RALY: variants seen among roughly 807,000 people sequenced by gnomAD.
RALY encodes RALY heterogeneous nuclear ribonucleoprotein, also known as RNA-binding protein Raly.
RALY carries 15 observed loss-of-function variants against 30.7 expected under a neutral mutation model. The ratio of observed to expected loss-of-function variants is 0.49; its 90% CI spans 0.33 to 0.75. The LOEUF is 0.75. Among genes scored for constraint, RALY ranks in the 30% least tolerant of loss-of-function variants. The probability of loss-of-function intolerance (pLI) is 0.02; values close to 1 mark genes in which losing one functional copy is unlikely to be tolerated. For synonymous variants in RALY, 177 were observed against 170.8 expected (o/e 1.04, Z -0.28); for missense variants, 339 against 414.3 (o/e 0.82, Z 1.58).
chr20:33,998,425 T>A (rs186203178), intron 1 of RALY, among the ~76,000 whole-genome samples: 1 of 152,196 alleles, frequency 6.6e-6, no homozygotes, highest in African/African-American at 2.4e-5. Flanking sequence ...AGTTCAGAAA[T>A]GGTGATAATA....
chr20:34,000,212 C>T (rs1350875518), intron 1 of RALY, among the ~76,000 whole-genome samples: 1 of 152,144 alleles, frequency 6.6e-6, no homozygotes. Flanking sequence ...GGAATAGAGA[C>T]AGAGTGCAGT....
rs1400526111 is a variant in RALY at position 34,084,541 on chromosome 20, T to C, written c.*4636T>C. On this transcript the variant is annotated 3_prime_UTR_variant, in exon 10 of 10. Transcript: ENST00000246194. ...TAAAGGTGGCATCTCTATCCTATCCTCGCCTTTATCTAAACTCTGTGACCG... is the reference window on the plus strand; with the variant it reads ...TAAAGGTGGCATCTCTATCCTATCCCCGCCTTTATCTAAACTCTGTGACCG... 6.6e-6 allele frequency: 1 copy of C among 152,282 alleles called. No homozygotes were observed. The highest frequency in any genetic ancestry group is 1.5e-5 in the Non-Finnish European group (1 of 68,062). 9.4% of individuals were successfully genotyped at this position (152,282 alleles called of 1,614,324 possible).
intron 1 of RALY, 139 bp from the exon 2 acceptor site, chr20:34,031,383 C>T (rs941970252): frequency 1.3e-5 from 2 of 151,948 alleles, no homozygotes; most frequent in African/African-American, 4.8e-5. Context: ...CTTTATGGCA[C>T]TTAGCACTAC....
intron 1 of RALY, among the ~76,000 whole-genome samples, chr20:34,017,020 G>T (rs1340685333): frequency 5.3e-5 from 8 of 152,262 alleles, no homozygotes; most frequent in Non-Finnish European, 1.2e-4. Flanking sequence ...CAGTTCTGCT[G>T]GTGTAGCCCA....
At chr20:34,044,277 A>G (rs1458421245) in intron 2 of RALY, among the ~76,000 whole-genome samples, 2 of 151,800 alleles carry the variant, frequency 1.3e-5, no homozygotes, top group African/African-American at 2.4e-5. Context: ...TAGGTGATAT[A>G]TATTTGTCTA....
chr20:34,027,379 A>G (rs1225843414), intron 1 of RALY, among the ~76,000 whole-genome samples: 2 of 152,200 alleles, frequency 1.3e-5, no homozygotes, highest in African/African-American at 2.4e-5. Context: ...GGGTATCATA[A>G]GGATTAACAG....
chr20:34,048,300 C>T (rs919337307), intron 2 of RALY, among the ~76,000 whole-genome samples: 2 of 152,148 alleles, frequency 1.3e-5, no homozygotes, highest in Non-Finnish European at 2.9e-5. Flanking sequence ...TCGTGTGTCT[C>T]TCGTGCTCCT....
At chr20:34,027,891 C>T (rs1026387370) in intron 1 of RALY, among the ~76,000 whole-genome samples, 4 of 152,170 alleles carry the variant, frequency 2.6e-5, no homozygotes, top group African/African-American at 7.2e-5. Context: ...CTTGTGTTGG[C>T]AGTATAGGAA....
chr20:34,054,222 C>G (rs2123186571), intron 2 of RALY, among the ~76,000 whole-genome samples: 1 of 152,318 alleles, frequency 6.6e-6, no homozygotes, highest in African/African-American at 2.4e-5. Flanking sequence ...ATTCTTTCAC[C>G]TGTTCACTAG....
intron 1 of RALY, among the ~76,000 whole-genome samples, chr20:34,024,360 G>T (rs2031940790): frequency 6.6e-6 from 1 of 152,234 alleles, no homozygotes; most frequent in African/African-American, 2.4e-5. Flanking sequence ...AATTACTCGT[G>T]CCTCCCTTGA....
At chr20:34,076,089 C>A in intron 6 of RALY, 49 bp downstream of exon 6, 1 of 1,565,516 alleles carries the variant, frequency 6.4e-7, no homozygotes. Context: ...TTATCATTAG[C>A]AAAATAATAG....
At chr20:34,072,933 T>A (rs972043747) in intron 3 of RALY, among the ~76,000 whole-genome samples, 2 of 18,572 alleles carry the variant, frequency 1.1e-4, no homozygotes, top group African/African-American at 2.0e-4. Flanking sequence ...AGATGTAGTG[T>A]GTGTGTGTGT....
chr20:33,997,293 T>A (rs534523835), intron 1 of RALY, among the ~76,000 whole-genome samples: 1 of 152,224 alleles, frequency 6.6e-6, no homozygotes, highest in South Asian at 2.1e-4. Flanking sequence ...TTTTGTATTT[T>A]TAGTACAGAT....
At chr20:34,003,748 T>G (rs970533574) in intron 1 of RALY, among the ~76,000 whole-genome samples, 26 of 148,118 alleles carry the variant, frequency 1.8e-4, no homozygotes, top group Admixed American at 8.1e-4. Flanking sequence ...CACGCCATTC[T>G]CCTGCCTCAG....
intron 2 of RALY, among the ~76,000 whole-genome samples, chr20:34,070,424 C>T (rs1307257387): frequency 1.3e-5 from 2 of 152,084 alleles, no homozygotes; most frequent in Non-Finnish European, 2.9e-5. Flanking sequence ...TTTGTACAGC[C>T]CTTTGGGGTA....
At position 34,077,149 on chromosome 20, in the gene RALY, G is replaced by T. The variant is rs547642453; in HGVS notation, c.780G>T (p.Glu260Asp). 6 of 1,613,240 alleles carry T rather than the reference G, an allele frequency of 3.7e-6. No homozygotes were observed. In the East Asian group the frequency reaches 1.1e-4, roughly 30 times the overall value. The change falls in exon 8 of 10, where the codon GAG (glutamate) becomes GAT (aspartate). Residue 260 changes from glutamate (E) to aspartate (D), a missense_variant. Physicochemically the swap from Glu to Asp is conservative, Grantham distance 45 (BLOSUM62 2). Around this residue, in one of 2 missense-constraint regions of RALY, gnomAD observed 268 missense variants for 280.6 expected, o/e 0.95. Transcript: ENST00000246194. ...GCAGCCGGCCACCAGCCCCCCAAGA[G>T]AACACAACTTCTGAGGCAGGCCTGC... Reference protein sequence around the residue: ...GGSSRPPAPQENTTSEAGLPQ... With the variant: ...GGSSRPPAPQDNTTSEAGLPQ...
intron 2 of RALY, among the ~76,000 whole-genome samples, chr20:34,057,206 C>G (rs942256708): frequency 2.0e-5 from 3 of 152,080 alleles, no homozygotes; most frequent in Non-Finnish European, 4.4e-5. Flanking sequence ...ACCATGTAAT[C>G]CAAACATAAT....
intron 1 of RALY, among the ~76,000 whole-genome samples, chr20:34,014,320 A>G (rs1416368812): frequency 6.6e-6 from 1 of 152,234 alleles, no homozygotes; most frequent in East Asian, 1.9e-4. Context: ...TCCTTTGGTC[A>G]TAATTTTAAA....
chr20:34,065,263 C>A (rs1023579000), intron 2 of RALY: 12 of 152,154 alleles, frequency 7.9e-5, no homozygotes, highest in African/African-American at 2.9e-4. Flanking sequence ...CATCAATTAG[C>A]CTATTTGATT....
Sources: gnomAD v4.1 joint callset for allele counts (sites outside exome capture counted in the v4.1 genomes callset) on GRCh38, gnomAD v4.1.1 for gene constraint, gnomAD v4.1.1 regional missense constraint, MANE v1.5 for transcripts, NCBI Gene and HGNC (gene_info 2026-07-23, HGNC 2026-07-21) for gene names.